Variants in BCAN observed in about 807,000 individuals in gnomAD.
The protein encoded by BCAN is brevican, also known as brevican core protein.
Under a neutral mutation model 92.4 loss-of-function variants are expected in BCAN, and 51 were observed. That is an observed-to-expected ratio of 0.55 (90% confidence interval 0.44 to 0.70). The LOEUF is 0.70. Among genes scored for constraint, BCAN ranks in the 30% least tolerant of loss-of-function variants. The pLI is 0.00. For synonymous variants in BCAN, 501 were observed against 505.2 expected, an observed-to-expected ratio of 0.99 and a Z score of 0.11; for missense variants, 1,140 against 1,212.1, an observed-to-expected ratio of 0.94 and a Z score of 0.88.
chr1:156,653,429 A>G (rs1200077194), intron 8 of BCAN: 5 of 992,422 alleles, frequency 5.0e-6, no homozygotes, highest in Non-Finnish European at 6.0e-6. Flanking sequence ...TTCATGGAAA[A>G]CAAGCCTTGG....
At position 156,658,690 on chromosome 1, in the gene BCAN, G is replaced by T; in HGVS notation, c.2585G>T (p.Gly862Val). The stretch of plus-strand genomic sequence containing the variant: ...CCGCTGATCCGATGCCAAGAGAACG[G>T]TCGTTGGGAGGCCCCCCAGATCTCC... ...NLPLIRCQEN[G>V]RWEAPQISCV... The change falls in exon 13 of 14, where the codon GGT becomes GTT. Residue 862 changes from glycine to valine, a missense_variant. Around this residue, in one of 3 missense-constraint regions of BCAN, gnomAD observed 825 missense variants for 871.8 expected, o/e 0.95. Coordinates refer to ENST00000329117, the MANE Select transcript of BCAN (RefSeq NM_021948.5). This position sits in a 1 kb window ranked among gnomAD's most constrained non-coding sequence, Gnocchi z 4.4. 1 of 1,614,150 alleles carries T rather than the reference G, an allele frequency of 6.2e-7. No individual in the cohort carries two copies. The highest frequency in any genetic ancestry group is 8.5e-7 in the Non-Finnish European group (1 of 1,180,052).
intron 1 of BCAN, chr1:156,644,930 C>T (rs907297702): frequency 1.3e-5 from 2 of 152,272 alleles, no homozygotes. Flanking sequence ...TAGCCCAACC[C>T]TTAAAGATGA....
Position 156,656,298 on chromosome 1 carries a change from C to A in BCAN, c.1959C>A (p.Ser653Arg). Residue 653 changes from serine (S) to arginine (R), a missense_variant, in exon 9 of 14, where the codon AGC becomes AGA. Ser to Arg is a moderately radical substitution (Grantham distance 110). Around this residue, in one of 3 missense-constraint regions of BCAN, gnomAD observed 825 missense variants for 871.8 expected, o/e 0.95. Transcript: ENST00000329117. ...CCCTCTCAGGTGACTGTGTCCCCAG[C>A]CCCTGCCACAATGGTGGGACATGCT... ...VVPASGDCVP[S>R]PCHNGGTCLE... 4 of 1,457,302 alleles carry A rather than the reference C, an allele frequency of 2.7e-6. No individual in the cohort carries two copies. The highest frequency in any genetic ancestry group is 3.6e-6 in the Non-Finnish European group (4 of 1,113,604). 90.3% of individuals were successfully genotyped at this position (1,457,302 alleles called of 1,614,324 possible).
At chr1:156,649,761 G>A in intron 6 of BCAN, 1 of 414,146 alleles carries the variant, frequency 2.4e-6, no homozygotes, top group South Asian at 1.8e-5. Context: ...ACTCTCAGAT[G>A]CAAAAGGCCC....
Position 156,647,748 on chromosome 1 carries a change from G to C in BCAN, c.641+66G>C. ...AGGTGGCCATGGCCCCCCTTCTGCTGGGTGCTGCCTGCTGTGTCAGGCTGG... is the reference window on the plus strand; with the variant it reads ...AGGTGGCCATGGCCCCCCTTCTGCTCGGTGCTGCCTGCTGTGTCAGGCTGG... On this transcript the variant is annotated intron_variant, in intron 4 of 13. Transcript: ENST00000329117. This position sits in a 1 kb window ranked among gnomAD's most constrained non-coding sequence, Gnocchi z 4.8. 6.4e-7 allele frequency: 1 copy of C among 1,554,672 alleles called. No individual in the cohort carries two copies. The highest frequency in any genetic ancestry group is 8.7e-7 in the Non-Finnish European group (1 of 1,144,932).
At chr1:156,651,997 A>G (rs917019238) in intron 7 of BCAN, among the ~76,000 whole-genome samples, 3 of 152,222 alleles carry the variant, frequency 2.0e-5, no homozygotes, top group East Asian at 3.9e-4. Context: ...TTGACAGAGT[A>G]GGAGGGAGAC....
At chr1:156,651,418 C>T in intron 6 of BCAN, 38 bp from the exon 7 acceptor site, 1 of 1,549,186 alleles carries the variant, frequency 6.5e-7, no homozygotes, top group Non-Finnish European at 8.9e-7. Flanking sequence ...GCAGAGCTAC[C>T]TATTCAGGCT....
intron 2 of BCAN, 49 bp from the exon 3 acceptor site, chr1:156,646,752 C>T (rs749801605): frequency 5.3e-6 from 8 of 1,511,150 alleles, no homozygotes; most frequent in Non-Finnish European, 6.2e-6. Context: ...CCGGGTGGGA[C>T]TCTGAGGGTC....
At chr1:156,652,116 G>C in intron 7 of BCAN, 132 bp from the exon 8 acceptor site, 1 of 1,234,964 alleles carries the variant, frequency 8.1e-7, no homozygotes, top group Admixed American at 2.5e-5. Flanking sequence ...AGGACCACCT[G>C]TCCTCAGGGC....
chr1:156,647,718 C>A lies in BCAN; in HGVS notation c.641+36C>A. The A allele has an allele frequency of 6.4e-7, 1 of 1,560,982 alleles. No homozygotes were observed. Among genetic ancestry groups the A allele is most frequent in the Non-Finnish European group, 8.7e-7 (1 of 1,150,722 alleles). On this transcript the variant is annotated intron_variant, in intron 4 of 13. Transcript: ENST00000329117. The surrounding 1 kb of genome is among the most constrained non-coding windows in gnomAD (Gnocchi z 4.8). Reference sequence around the variant, plus strand: ...GCTGTGGATTGGGGCTTCTATTGGCCCCTGAGGTGGCCATGGCCCCCCTTC... The same window carrying A: ...GCTGTGGATTGGGGCTTCTATTGGCACCTGAGGTGGCCATGGCCCCCCTTC...
At chr1:156,643,637 G>GAGAGAGAT (rs1678867279) in intron 1 of BCAN, 1 of 143,550 alleles carries the variant, frequency 7.0e-6, no homozygotes, top group African/African-American at 2.8e-5. Context: ...CACACACACA[G>GAGAGAGAT]AGAGAGAGAG....
rs779248809 is a variant in BCAN, at chr1:156,659,104, C to G, written c.2706C>G (p.Ile902Met). 1 of 1,588,960 alleles carries G rather than the reference C, an allele frequency of 6.3e-7. No individual in the cohort carries two copies. The highest frequency in any genetic ancestry group is 1.3e-5 in the African/African-American group (1 of 74,886). ...TGGGACGCTGGAAGGCGCTGTTGAT[C>G]CCCCCTTCCAGCCCCATGCCAGGTC... ...RLLGRWKALLIPPSSPMPGP is the reference protein window; with the variant it reads ...RLLGRWKALLMPPSSPMPGP The change falls in exon 14 of 14, where the codon ATC becomes ATG. Residue 902 changes from isoleucine (I) to methionine (M), a missense_variant. Ile to Met is a conservative substitution (Grantham distance 10). This residue lies in a region of BCAN where 825 missense variants were observed against 871.8 expected (regional missense o/e 0.95). Coordinates refer to ENST00000329117, the MANE Select transcript of BCAN (RefSeq NM_021948.5).
At chr1:156,653,581 G>C in intron 8 of BCAN, 1 of 965,882 alleles carries the variant, frequency 1.0e-6, no homozygotes, top group South Asian at 4.8e-5. Flanking sequence ...GTCTCTCCCT[G>C]TCTCTGTGTG....
In BCAN at chr1:156,647,777, T is replaced by G. The variant is rs946948182; in HGVS notation, c.641+95T>G. On this transcript the variant is annotated intron_variant, in intron 4 of 13. Transcript: ENST00000329117. The surrounding 1 kb of genome is among the most constrained non-coding windows in gnomAD (Gnocchi z 4.8). ...GCTGCCTGCTGTGTCAGGCTGGACA[T>G]GCAGGGCTTTTTGCCTCTGGGGGAT... The G allele has an allele frequency of 2.4e-5, 38 of 1,552,034 alleles. No individual in the cohort carries two copies. The highest frequency in any genetic ancestry group is 3.0e-5 in the Non-Finnish European group (34 of 1,136,844).
At chr1:156,650,202 G>A (rs767394316) in intron 6 of BCAN, among the ~76,000 whole-genome samples, 4 of 152,076 alleles carry the variant, frequency 2.6e-5, no homozygotes, top group Non-Finnish European at 4.4e-5. Flanking sequence ...CTATGATTGT[G>A]TGCCAAGCCA....
Position 156,656,220 on chromosome 1 carries a change from G to A in BCAN, c.1943-62G>A, listed in dbSNP as rs1005932886. ...GGGACCCTCTGCACCCTCTCCTGGA[G>A]GGCTCAGGCTGCAGAGTGCGGCTGC... On this transcript the variant is annotated intron_variant, in intron 8 of 13. Coordinates refer to ENST00000329117, the MANE Select transcript of BCAN (RefSeq NM_021948.5). The A allele has an allele frequency of 4.9e-6, 6 of 1,218,716 alleles. 1 individual carries two copies. The Middle Eastern group carries it at 6.3e-4, about 129-fold the overall frequency. The allele number at this position is 1,218,716 out of a possible 1,614,324, so 75.5% of individuals were successfully genotyped here. A position where few individuals can be genotyped will look rare whatever the true frequency, so the allele number is the denominator to read the frequency against.
chr1:156,652,439 A>C lies in BCAN; in HGVS notation c.1489A>C (p.Thr497Pro), dbSNP rs149016541. ...SSPGPEASLP[T>P]EPAAQEESLS... is the part of the protein sequence containing the mutation. The stretch of plus-strand genomic sequence containing the variant: ...CCCGGGCCCTGAGGCCTCTCTCCCC[A>C]CTGAGCCAGCAGCCCAGGAGGAGTC... Residue 497 changes from threonine (T) to proline (P), a missense_variant, in exon 8 of 14, where the codon ACT becomes CCT. By Grantham distance (38) the Thr-to-Pro change is conservative (BLOSUM62 -1). Transcript: ENST00000329117. 1 of 1,604,002 alleles carries C rather than the reference A, an allele frequency of 6.2e-7. No homozygotes were observed. The highest frequency in any genetic ancestry group is 8.5e-7 in the Non-Finnish European group (1 of 1,174,996).
chr1:156,650,153 A>G (rs181189985), intron 6 of BCAN, among the ~76,000 whole-genome samples: 64 of 150,918 alleles, frequency 4.2e-4, no homozygotes, highest in East Asian at 2.3e-3. Flanking sequence ...AGTAGTAGTA[A>G]TAATAATAAT....
Position 156,659,103 on chromosome 1 carries a change from TC to T in BCAN, c.2711del (p.Pro904LeufsTer39). 3 of 1,588,198 alleles carry T rather than the reference TC, an allele frequency of 1.9e-6. No individual in the cohort carries two copies. The highest frequency in any genetic ancestry group is 1.2e-5 in the South Asian group (1 of 86,696). ...RLLGRWKALL[I>X]PPSSPMPGP ...CTGGGACGCTGGAAGGCGCTGTTGATCCCCCCTTCCAGCCCCATGCCAGGTC... is the reference window on the plus strand; with the variant it reads ...CTGGGACGCTGGAAGGCGCTGTTGATCCCCCTTCCAGCCCCATGCCAGGTC... On this transcript the variant is annotated frameshift_variant, in exon 14 of 14. Transcript: ENST00000329117. LOFTEE classifies it high-confidence loss of function.
Sources: allele counts gnomAD v4.1 joint callset (sites outside exome capture counted in the v4.1 genomes callset), GRCh38; gene constraint gnomAD v4.1.1; regional missense constraint gnomAD v4.1.1; non-coding constraint Gnocchi (gnomAD v3.1); transcripts MANE v1.5; gene names NCBI Gene and HGNC (gene_info 2026-07-23, HGNC 2026-07-21).